Variants in HPSE2 observed in about 807,000 individuals in gnomAD.
HPSE2 encodes the protein inactive heparanase-2.
Under a neutral mutation model 60.5 loss-of-function variants are expected in HPSE2, and 38 were observed. The ratio of observed to expected loss-of-function variants is 0.63; its 90% confidence interval spans 0.48 to 0.82. HPSE2 has a LOEUF of 0.82. Ranked by LOEUF, HPSE2 falls within the 40% of genes least tolerant of loss-of-function variation. The pLI is 0.00. For missense variants in HPSE2, 713 were observed against 740.4 expected (o/e 0.96, Z 0.43); for synonymous variants, 295 against 293.2 (o/e 1.01, Z -0.06).
At chr10:98,998,989 T>A (rs1192242773) in intron 3 of HPSE2, among the ~76,000 whole-genome samples, 1 of 152,218 alleles carries the variant, frequency 6.6e-6, no homozygotes, top group Non-Finnish European at 1.5e-5. Flanking sequence ...TATCTATTAT[T>A]GCTTGGATCC....
At chr10:98,916,343 T>C (rs1954119461) in intron 3 of HPSE2, among the ~76,000 whole-genome samples, 2 of 152,220 alleles carry the variant, frequency 1.3e-5, no homozygotes, top group African/African-American at 4.8e-5. Context: ...ACAGACAATG[T>C]CTACCCCTTG....
chr10:98,661,413 T>TG (rs1947221793), intron 6 of HPSE2, among the ~76,000 whole-genome samples: 1 of 152,236 alleles, frequency 6.6e-6, no homozygotes, highest in Non-Finnish European at 1.5e-5. Flanking sequence ...AAAAAGCATA[T>TG]GGTAAAAAGT....
intron 2 of HPSE2, among the ~76,000 whole-genome samples, chr10:99,221,240 G>A (rs1445607401): frequency 2.0e-5 from 3 of 152,206 alleles, no homozygotes; most frequent in African/African-American, 7.2e-5. Context: ...GCATAAATCT[G>A]TAGAAGTATG....
chr10:98,807,246 T>A (rs1565177583), intron 3 of HPSE2, among the ~76,000 whole-genome samples: 1 of 152,220 alleles, frequency 6.6e-6, no homozygotes, highest in African/African-American at 2.4e-5. Flanking sequence ...TGGCAAAACA[T>A]ACATAAATAT....
chr10:98,538,377 T>A (rs531373028), intron 9 of HPSE2, among the ~76,000 whole-genome samples: 13 of 152,284 alleles, frequency 8.5e-5, no homozygotes, highest in African/African-American at 2.2e-4. Context: ...GTCCTGACAA[T>A]CTCGAACCTT....
chr10:98,641,165 A>G (rs1198844249), intron 7 of HPSE2, among the ~76,000 whole-genome samples: 1 of 152,220 alleles, frequency 6.6e-6, no homozygotes, highest in African/African-American at 2.4e-5. Flanking sequence ...CACTGAATGA[A>G]TATAATCATT....
At chr10:99,305,961 A>ATACGCGCGCGCGTG in the HPSE2 span, among the ~76,000 whole-genome samples, 8 of 103,040 alleles carry the variant, frequency 7.8e-5, no homozygotes, top group Admixed American at 1.9e-4. Flanking sequence ...ACTCACACAC[A>ATACGCGCGCGCGTG]CGCGCGCGCG....
At chr10:98,989,715 C>T (rs1408498770) in intron 3 of HPSE2, among the ~76,000 whole-genome samples, 1 of 151,866 alleles carries the variant, frequency 6.6e-6, no homozygotes, top group African/African-American at 2.4e-5. Flanking sequence ...CTCCATGTGG[C>T]GAAGCAGTTT....
At chr10:99,177,267 T>C (rs1847563189) in intron 2 of HPSE2, among the ~76,000 whole-genome samples, 1 of 151,626 alleles carries the variant, frequency 6.6e-6, no homozygotes, top group African/African-American at 2.4e-5. Flanking sequence ...AATTCACACA[T>C]AACAATATTA....
chr10:98,749,947 T>TATATATATATATATATATATATATACAC, intron 3 of HPSE2, among the ~76,000 whole-genome samples: 1,687 of 98,090 alleles, frequency 0.017, 41 homozygotes, highest in Non-Finnish European at 0.029. Context: ...TATATATATA[T>TATATATATATATATATATATATATACAC]ACACACACAC....
chr10:98,510,864 G>A (rs1223723006), intron 9 of HPSE2, among the ~76,000 whole-genome samples: 2 of 152,098 alleles, frequency 1.3e-5, no homozygotes, highest in Non-Finnish European at 2.9e-5. Context: ...AGTATCACAT[G>A]AGCGGGAACC....
chr10:98,571,940 C>CTTTCTT (rs560289933), intron 9 of HPSE2, among the ~76,000 whole-genome samples: 101,256 of 140,518 alleles, frequency 0.72, 40,705 homozygotes, highest in East Asian at 0.9. Flanking sequence ...AATTCCTTTT[C>CTTTCTT]TTTTTTTTTT....
chr10:99,195,760 T>A (rs1848374626), intron 2 of HPSE2, among the ~76,000 whole-genome samples: 1 of 152,080 alleles, frequency 6.6e-6, no homozygotes, highest in African/African-American at 2.4e-5. Context: ...GAAGAATCAA[T>A]ATTGTTAAAA....
chr10:98,835,406 T>C (rs907211602), intron 3 of HPSE2, among the ~76,000 whole-genome samples: 24 of 152,088 alleles, frequency 1.6e-4, no homozygotes, highest in Admixed American at 8.5e-4. Context: ...CTACAGTATC[T>C]AGGAATGCAC....
rs68091060 is a variant in HPSE2 at position 98,960,726 on chromosome 10, ATT to A, written c.610+183510_610+183511del. On this transcript the variant is annotated intron_variant, in intron 3 of 11. Coordinates refer to ENST00000370552, the MANE Select transcript of HPSE2 (RefSeq NM_021828.5). ...CTTTTTTTTTTTTTTTTTTTGTTTT[ATT>A]TTTTTTATTTTATTTTTTTTTTTAT... Among the ~76,000 whole-genome samples, 277 of 102,610 alleles carry A rather than the reference ATT, an allele frequency of 2.7e-3. 6 individuals are homozygous for A. Among genetic ancestry groups the A allele is most frequent in the African/African-American group, 0.01 (251 of 25,100 alleles). The allele number at this position is 102,610 out of a possible 152,430, so 67.3% of individuals were successfully genotyped here.
At chr10:98,595,533 A>G (rs1005132125) in intron 9 of HPSE2, among the ~76,000 whole-genome samples, 1 of 152,166 alleles carries the variant, frequency 6.6e-6, no homozygotes, top group African/African-American at 2.4e-5. Flanking sequence ...ATATGCTACT[A>G]TTTTTATATA....
intron 2 of HPSE2, among the ~76,000 whole-genome samples, chr10:99,196,548 A>G (rs887167812): frequency 1.3e-5 from 2 of 152,192 alleles, no homozygotes; most frequent in Non-Finnish European, 2.9e-5. Flanking sequence ...AAAAATGGGC[A>G]AAAGATTTCA....
At chr10:98,775,059 T>C (rs1199044730) in intron 3 of HPSE2, among the ~76,000 whole-genome samples, 2 of 152,210 alleles carry the variant, frequency 1.3e-5, no homozygotes, top group Admixed American at 1.3e-4. Flanking sequence ...CCTGGCTCTT[T>C]TCTCCATATG....
intron 9 of HPSE2, among the ~76,000 whole-genome samples, chr10:98,561,171 T>TG (rs1446423067): frequency 2.0e-5 from 3 of 150,122 alleles, no homozygotes; most frequent in Non-Finnish European, 3.0e-5. Context: ...TTTTGTTCTT[T>TG]TTTTTGTTTT....
Sources: allele counts gnomAD v4.1 joint callset (sites outside exome capture counted in the v4.1 genomes callset), GRCh38; gene constraint gnomAD v4.1.1; transcripts MANE v1.5; gene names NCBI Gene and HGNC (gene_info 2026-07-23, HGNC 2026-07-21).